The following PCDH15 variants were observed in gnomAD, a reference collection of about 807,000 sequenced individuals.
PCDH15 encodes protocadherin-15.
A neutral mutation model predicts 178.5 loss-of-function variants in PCDH15; 129 were observed. The ratio of observed to expected loss-of-function variants is 0.72; its 90% CI spans 0.63 to 0.84. PCDH15 has a LOEUF of 0.84. Ranked by LOEUF, PCDH15 falls within the 40% of genes least tolerant of loss-of-function variation. The pLI, the probability that PCDH15 is intolerant of heterozygous loss-of-function variation, is 0.00. For synonymous variants in PCDH15, 800 were observed against 732.0 expected (o/e 1.09, Z -1.50); for missense variants, 2,230 against 2,099.9 (o/e 1.06, Z -1.21).
At chr10:54,217,255 C>G (rs1448293037) in intron 9 of PCDH15, among the ~76,000 whole-genome samples, 1 of 152,026 alleles carries the variant, frequency 6.6e-6, no homozygotes, top group African/African-American at 2.4e-5. Context: ...ATAATTCAAT[C>G]TAAATGTATA....
intron 2 of PCDH15, among the ~76,000 whole-genome samples, chr10:55,357,264 AT>A (rs796903962): frequency 4.6e-5 from 7 of 152,106 alleles, no homozygotes; most frequent in African/African-American, 1.7e-4. Flanking sequence ...CAACAAAAGT[AT>A]TTAGAATATT....
Position 54,727,942 on chromosome 10 carries a change from C to T in PCDH15, c.-28-63652G>A, listed in dbSNP as rs553432838. ...AGTTACAAAATTGAATTAGCAGTAA[C>T]AAACCAACCAACCAGAATAAGCCCT... is the stretch of plus-strand genomic sequence containing the variant. On this transcript the variant is annotated intron_variant, in intron 1 of 37. Transcript: ENST00000644397. Among the ~76,000 whole-genome samples, 7 of 151,388 alleles carry T rather than the reference C, an allele frequency of 4.6e-5. No homozygotes were observed. In the East Asian group the frequency reaches 1.4e-3, roughly 30 times the overall value.
intron 1 of PCDH15, among the ~76,000 whole-genome samples, chr10:54,744,014 C>A (rs892307276): frequency 1.3e-5 from 2 of 152,082 alleles, no homozygotes; most frequent in African/African-American, 4.8e-5. Context: ...ACTTCCAAGT[C>A]TAGATGACAA....
At chr10:55,170,702 TGAAACC>T (rs1039933419) in intron 1 of PCDH15, among the ~76,000 whole-genome samples, 90 of 151,994 alleles carry the variant, frequency 5.9e-4, no homozygotes, top group African/African-American at 2.1e-3. Context: ...ACCAACATGG[TGAAACC>T]CCGTCTCCAC....
At chr10:54,257,843 T>G (rs1167084577) in intron 8 of PCDH15, among the ~76,000 whole-genome samples, 1 of 152,144 alleles carries the variant, frequency 6.6e-6, no homozygotes, top group Non-Finnish European at 1.5e-5. Context: ...CAAACTGTCT[T>G]TACATTGGAA....
chr10:54,218,242 A>G (rs1236608113), intron 9 of PCDH15, among the ~76,000 whole-genome samples: 1 of 152,274 alleles, frequency 6.6e-6, no homozygotes, highest in South Asian at 2.1e-4. Context: ...ACCCCTCATA[A>G]ATGAATGGAT....
intron 1 of PCDH15, among the ~76,000 whole-genome samples, chr10:55,259,898 G>A (rs2488841): frequency 0.87 from 76,995 of 88,620 alleles, 32,962 homozygotes; most frequent in East Asian, 0.96. Context: ...GCAAAACTCC[G>A]TCTCAAAAAA....
At chr10:54,224,917 A>G (rs1261051102) in intron 9 of PCDH15, among the ~76,000 whole-genome samples, 2 of 152,122 alleles carry the variant, frequency 1.3e-5, no homozygotes, top group African/African-American at 4.8e-5. Flanking sequence ...TTTTTCAGCT[A>G]CTTGTTATAA....
At chr10:55,597,185 C>A (rs10763219) in intron 2 of PCDH15, 3 of 152,116 alleles carry the variant, frequency 2.0e-5, no homozygotes, top group South Asian at 4.1e-4. Context: ...TCAACATACC[C>A]AACCATAAGG....
intron 2 of PCDH15, among the ~76,000 whole-genome samples, chr10:55,578,769 G>C (rs946667330): frequency 6.6e-6 from 1 of 152,132 alleles, no homozygotes; most frequent in African/African-American, 2.4e-5. Context: ...GGGGAGCAAA[G>C]TCACATCTAA....
At chr10:55,461,157 A>C (rs1343802905) in intron 2 of PCDH15, among the ~76,000 whole-genome samples, 2 of 152,092 alleles carry the variant, frequency 1.3e-5, no homozygotes, top group Non-Finnish European at 2.9e-5. Context: ...GATCCTTGAC[A>C]TCTCTAGAGC....
intron 2 of PCDH15, among the ~76,000 whole-genome samples, chr10:55,032,742 G>T (rs538975722): frequency 2.6e-5 from 4 of 152,140 alleles, no homozygotes; most frequent in Admixed American, 6.5e-5. Flanking sequence ...AAGACAGTGG[G>T]AGAGTGACTC....
intron 3 of PCDH15, among the ~76,000 whole-genome samples, chr10:54,891,845 C>A (rs1954467452): frequency 6.6e-6 from 1 of 151,998 alleles, no homozygotes; most frequent in Non-Finnish European, 1.5e-5. Flanking sequence ...CAGCAGGATT[C>A]AAATTCAGAC....
At chr10:54,447,924 C>T (rs1199047672) in intron 3 of PCDH15, among the ~76,000 whole-genome samples, 6 of 148,002 alleles carry the variant, frequency 4.1e-5, no homozygotes, top group Admixed American at 6.9e-5. Flanking sequence ...AATAAATATC[C>T]TTAAATAAAA....
chr10:55,504,395 G>T (rs1358461289), intron 2 of PCDH15, among the ~76,000 whole-genome samples: 1 of 151,228 alleles, frequency 6.6e-6, no homozygotes, highest in African/African-American at 2.4e-5. Context: ...TAACTAAAAA[G>T]TGCTCACATA....
chr10:54,081,903 G>A (rs930707211), intron 16 of PCDH15, among the ~76,000 whole-genome samples: 9 of 152,054 alleles, frequency 5.9e-5, no homozygotes, highest in Admixed American at 2.6e-4. Context: ...ATTAAGCAGG[G>A]ACCTTCAACA....
chr10:54,495,044 G>T (rs1476298087), intron 3 of PCDH15, among the ~76,000 whole-genome samples: 2 of 151,974 alleles, frequency 1.3e-5, no homozygotes, highest in African/African-American at 2.4e-5. Flanking sequence ...ATAATATTTT[G>T]TATTTGAGGG....
At chr10:55,295,376 T>C (rs1843106493) in intron 1 of PCDH15, among the ~76,000 whole-genome samples, 1 of 152,174 alleles carries the variant, frequency 6.6e-6, no homozygotes, top group African/African-American at 2.4e-5. Flanking sequence ...CTTCCACAAA[T>C]CCATGCACAG....
intron 3 of PCDH15, among the ~76,000 whole-genome samples, chr10:54,432,657 T>C (rs61853575): frequency 0.065 from 9,959 of 152,112 alleles, 400 homozygotes; most frequent in Admixed American, 0.12. Context: ...CTGCAGGACA[T>C]TGGTCTGAGC....
Sources: allele counts gnomAD v4.1 joint callset (sites outside exome capture counted in the v4.1 genomes callset), GRCh38; gene constraint gnomAD v4.1.1; transcripts MANE v1.5; gene names NCBI Gene and HGNC (gene_info 2026-07-23, HGNC 2026-07-21).